PRKD1: variants seen among roughly 807,000 people sequenced by gnomAD.
PRKD1 encodes protein kinase D1.
In PRKD1, 63 loss-of-function variants were observed where a neutral mutation model predicts 95.9. The observed-to-expected ratio is 0.66, with a 90% CI of 0.54 to 0.81. The LOEUF (loss-of-function observed/expected upper bound fraction) is 0.81. Among genes scored for constraint, PRKD1 ranks in the 30% least tolerant of loss-of-function variants. PRKD1 has a pLI of 0.00. For missense variants in PRKD1, 1,048 were observed against 1,165.3 expected (o/e 0.90, Z 1.47); for synonymous variants, 425 against 423.1 (o/e 1.00, Z -0.05).
intron 9 of PRKD1, among the ~76,000 whole-genome samples, chr14:29,632,217 A>C (rs1880055600): frequency 6.6e-6 from 1 of 152,188 alleles, no homozygotes; most frequent in Admixed American, 6.5e-5. Flanking sequence ...TTAATTTTAA[A>C]ATTAGTGAGG....
chr14:29,892,122 C>A (rs989744388), intron 1 of PRKD1, among the ~76,000 whole-genome samples: 12 of 152,154 alleles, frequency 7.9e-5, no homozygotes, highest in Non-Finnish European at 1.5e-4. Flanking sequence ...CTTTGAGATT[C>A]CACACTTTCC....
intron 1 of PRKD1, among the ~76,000 whole-genome samples, chr14:29,785,578 G>A (rs558328342): frequency 6.8e-5 from 10 of 147,074 alleles, no homozygotes; most frequent in South Asian, 2.1e-4. Context: ...TGATTGTTCC[G>A]AATAAGACTT....
At chr14:29,819,562 C>A (rs960401971) in intron 1 of PRKD1, among the ~76,000 whole-genome samples, 3 of 151,924 alleles carry the variant, frequency 2.0e-5, no homozygotes, top group Admixed American at 2.0e-4. Flanking sequence ...TGGTGGCGGG[C>A]GCCTGTAGTC....
chr14:29,678,123 T>G (rs1156322423), intron 2 of PRKD1, among the ~76,000 whole-genome samples: 1 of 152,184 alleles, frequency 6.6e-6, no homozygotes, highest in African/African-American at 2.4e-5. Flanking sequence ...ATATTATTCT[T>G]TCGTAAGCTT....
chr14:29,666,378 CAT>C (rs1882509728), intron 2 of PRKD1, among the ~76,000 whole-genome samples, 170 bp from the exon 3 acceptor site: 1 of 151,922 alleles, frequency 6.6e-6, no homozygotes, highest in Non-Finnish European at 1.5e-5. Context: ...TATTCCCAGC[CAT>C]AGTTTTACAG....
At chr14:29,605,468 T>C (rs1023557849) in intron 13 of PRKD1, among the ~76,000 whole-genome samples, 1 of 152,194 alleles carries the variant, frequency 6.6e-6, no homozygotes, top group Non-Finnish European at 1.5e-5. Flanking sequence ...CATACTACCC[T>C]TCAGCCTGAC....
At chr14:29,918,979 T>C (rs1894988022) in intron 1 of PRKD1, among the ~76,000 whole-genome samples, 1 of 152,218 alleles carries the variant, frequency 6.6e-6, no homozygotes, top group Non-Finnish European at 1.5e-5. Flanking sequence ...AACTGTTTTA[T>C]AATATATGCG....
At chr14:29,765,812 A>G (rs1043000414) in intron 1 of PRKD1, among the ~76,000 whole-genome samples, 3 of 152,180 alleles carry the variant, frequency 2.0e-5, no homozygotes, top group Non-Finnish European at 4.4e-5. Flanking sequence ...AAATTCAAAA[A>G]CAAGACCAAA....
At chr14:29,759,480 T>G (rs45527935) in intron 1 of PRKD1, among the ~76,000 whole-genome samples, 1,612 of 152,300 alleles carry the variant, frequency 0.011, 34 homozygotes, top group African/African-American at 0.037. Context: ...CCTTAAACAC[T>G]GTCATAACAT....
intron 2 of PRKD1, among the ~76,000 whole-genome samples, chr14:29,699,127 C>T (rs993266462): frequency 1.3e-5 from 2 of 152,238 alleles, no homozygotes; most frequent in South Asian, 2.1e-4. Context: ...TAATTTGTTG[C>T]TAATATCCTT....
intron 1 of PRKD1, among the ~76,000 whole-genome samples, chr14:29,743,098 T>C (rs1887053296): frequency 6.6e-6 from 1 of 152,208 alleles, no homozygotes. Flanking sequence ...AGAAATGTTT[T>C]AAGCAAGATA....
intron 2 of PRKD1, among the ~76,000 whole-genome samples, chr14:29,689,888 T>C (rs1884129030): frequency 6.6e-6 from 1 of 152,162 alleles, no homozygotes; most frequent in African/African-American, 2.4e-5. Flanking sequence ...AAACACCACA[T>C]GTTCTCACTT....
At chr14:29,924,025 C>T (rs953250849) in intron 1 of PRKD1, among the ~76,000 whole-genome samples, 1 of 152,056 alleles carries the variant, frequency 6.6e-6, no homozygotes, top group African/African-American at 2.4e-5. Context: ...TTTTACCCTC[C>T]TGAAAACAAT....
At position 29,747,173 on chromosome 14, in the gene PRKD1, C is replaced by T. The variant is rs1264492723; in HGVS notation, c.265-21499G>A. 6.6e-5 allele frequency among the ~76,000 whole-genome samples: 10 copies of T among 152,178 alleles called. No homozygotes were observed. In the East Asian group the frequency reaches 1.9e-3, roughly 29 times the overall value. On this transcript the variant is annotated intron_variant, in intron 1 of 17. Transcript: ENST00000331968. ...ATTATATGCCTGTATGAAAACATCA[C>T]ATGTGCCACATAAATATATACACCT...
chr14:29,661,612 T>C (rs1055753871), intron 4 of PRKD1, among the ~76,000 whole-genome samples: 3 of 152,098 alleles, frequency 2.0e-5, no homozygotes, highest in South Asian at 2.1e-4. Context: ...AGGGATTGGG[T>C]AAAAACAAAG....
chr14:29,671,454 T>C (rs1417796050), intron 2 of PRKD1, among the ~76,000 whole-genome samples: 1 of 152,202 alleles, frequency 6.6e-6, no homozygotes, highest in Non-Finnish European at 1.5e-5. Context: ...GCTTTTCAGC[T>C]GGGTGTTTCA....
At chr14:29,871,865 T>C (rs900112664) in intron 1 of PRKD1, among the ~76,000 whole-genome samples, 2 of 152,168 alleles carry the variant, frequency 1.3e-5, no homozygotes, top group Admixed American at 6.5e-5. Flanking sequence ...TCAAGTCAGC[T>C]CTGCATGAGG....
intron 1 of PRKD1, among the ~76,000 whole-genome samples, chr14:29,850,469 C>G (rs1892265961): frequency 6.6e-6 from 1 of 151,636 alleles, no homozygotes. Flanking sequence ...CACACACACA[C>G]ACACACACAC....
At chr14:29,771,636 T>A (rs189939144) in intron 1 of PRKD1, among the ~76,000 whole-genome samples, 1 of 152,082 alleles carries the variant, frequency 6.6e-6, no homozygotes, top group African/African-American at 2.4e-5. Flanking sequence ...AGTGAAGCCA[T>A]GGGAGTACAG....
Sources: allele counts gnomAD v4.1 joint callset (sites outside exome capture counted in the v4.1 genomes callset), GRCh38; gene constraint gnomAD v4.1.1; transcripts MANE v1.5; gene names NCBI Gene and HGNC (gene_info 2026-07-23, HGNC 2026-07-21).